Variants in GGTA1 observed in about 807,000 individuals in gnomAD.
GGTA1 encodes the protein inactive N-acetyllactosaminide alpha-1,3-galactosyltransferase.
GGTA1 carries 5 observed loss-of-function variants against 2.6 expected under a neutral mutation model. The observed-to-expected ratio is 1.92, with a 90% CI of 1.00 to 4.04. The LOEUF is 4.04. GGTA1 is among the 30% of genes most tolerant of loss of function. The probability of loss-of-function intolerance (pLI) is 0.00; values close to 1 mark genes in which losing one functional copy is unlikely to be tolerated. For synonymous variants in GGTA1, 17 were observed against 5.0 expected (o/e 3.38, Z -3.19); for missense variants, 50 against 16.7 (o/e 2.99, Z -3.47).
intron 1 of GGTA1, among the ~76,000 whole-genome samples, chr9:121,485,191 G>A (rs1207840465): frequency 6.6e-6 from 1 of 152,164 alleles, no homozygotes; most frequent in Non-Finnish European, 1.5e-5. Flanking sequence ...CAGCCAACGG[G>A]TCTGCCTGCC....
At chr9:121,484,894 C>A (rs1236650951) in intron 1 of GGTA1, among the ~76,000 whole-genome samples, 1 of 152,180 alleles carries the variant, frequency 6.6e-6, no homozygotes, top group African/African-American at 2.4e-5. Context: ...CTCTAATGAG[C>A]CTCCCCAGAA....
At chr9:121,447,425 G>C (rs1234525282) in exon 8 of GGTA1, 1 of 152,580 alleles carries the variant, frequency 6.6e-6, no homozygotes, top group Non-Finnish European at 1.5e-5. Context: ...CTGATGTCTT[G>C]CCACCTCTTC....
intron 1 of GGTA1, among the ~76,000 whole-genome samples, chr9:121,479,837 G>T (rs535012200): frequency 6.6e-6 from 1 of 152,108 alleles, no homozygotes; most frequent in South Asian, 2.1e-4. Flanking sequence ...TTCAGAAGTC[G>T]CTGTTTGGTT....
chr9:121,487,336 G>A (rs1419710636), intron 1 of GGTA1, among the ~76,000 whole-genome samples: 1 of 151,980 alleles, frequency 6.6e-6, no homozygotes, highest in Non-Finnish European at 1.5e-5. Flanking sequence ...CCAGCACTTT[G>A]GGAGGCCGAG....
chr9:121,488,125 ATG>A lies in GGTA1; in HGVS notation c.-10+11523_-10+11524del, dbSNP rs34747249. Among the ~76,000 whole-genome samples the A allele has an allele frequency of 1.3e-3, 195 of 150,940 alleles. 1 individual carries two copies. Among genetic ancestry groups the A allele is most frequent in the African/African-American group, 4.5e-3 (183 of 41,104 alleles). ...TGTGTGTGTGTGCGTGTGTGCGTGC[ATG>A]TGTGTGTGTGTGTGTTTAAAGTTTT... On this transcript the variant is annotated intron_variant, in intron 1 of 5. Coordinates refer to ENST00000481799, the MANE Select transcript of GGTA1 (RefSeq NM_001382585.1).
At chr9:121,463,669 G>A (rs1170364761) in intron 2 of GGTA1, among the ~76,000 whole-genome samples, 2 of 152,152 alleles carry the variant, frequency 1.3e-5, no homozygotes, top group South Asian at 2.1e-4. Context: ...GATTACAGGT[G>A]TGAGTCATCA....
At chr9:121,448,429 C>T (rs940115184) in intron 7 of GGTA1, among the ~76,000 whole-genome samples, 2 of 151,080 alleles carry the variant, frequency 1.3e-5, no homozygotes, top group African/African-American at 4.9e-5. Context: ...TATGAGCCTC[C>T]CACTAGTCAC....
rs542974360 is a variant in GGTA1, at chr9:121,461,348, T to C, written c.117-31A>G. The C allele has an allele frequency of 1.5e-5, 7 of 453,036 alleles. No homozygotes were observed. In the Admixed American group the frequency reaches 1.7e-4, roughly 11 times the overall value. The allele number at this position is 453,036 out of a possible 1,614,324, so 28.1% of individuals were successfully genotyped here. A position where few individuals can be genotyped will look rare whatever the true frequency, so the allele number is the denominator to read the frequency against. ...AAATGAAAAAGTTTACAAATATTTT[T>C]AGAAAATGTGGTGTCCCCAAACTTA... On this transcript the variant is annotated intron_variant, in intron 3 of 5. Coordinates refer to ENST00000481799, the MANE Select transcript of GGTA1 (RefSeq NM_001382585.1).
At chr9:121,489,744 T>C (rs1225125979) in intron 1 of GGTA1, among the ~76,000 whole-genome samples, 1 of 152,162 alleles carries the variant, frequency 6.6e-6, no homozygotes, top group Non-Finnish European at 1.5e-5. Flanking sequence ...GGAAGCTGCA[T>C]TCTTCGGGTG....
intron 2 of GGTA1, among the ~76,000 whole-genome samples, chr9:121,465,044 T>G (rs2064995220): frequency 6.6e-6 from 1 of 151,668 alleles, no homozygotes; most frequent in Non-Finnish European, 1.5e-5. Context: ...CCCCTTGAAG[T>G]TTTTTGCAGA....
chr9:121,494,263 G>A (rs1828941831), intron 1 of GGTA1, among the ~76,000 whole-genome samples: 1 of 152,200 alleles, frequency 6.6e-6, no homozygotes, highest in African/African-American at 2.4e-5. Flanking sequence ...AGAAGGCAAT[G>A]GGTCTCCACC....
Position 121,463,344 on chromosome 9 carries a change from A to G in GGTA1, c.81-16T>C. On this transcript the variant is annotated splice_polypyrimidine_tract_variant and intron_variant, in intron 2 of 5. Coordinates refer to ENST00000481799, the MANE Select transcript of GGTA1 (RefSeq NM_001382585.1). ...GCCTTCTGTGCTAAAAGCAAAAAAG[A>G]AATAAAAACATATCATGTTACTTTT... 2.2e-6 allele frequency: 1 copy of G among 453,842 alleles called. No homozygotes were observed. The highest frequency in any genetic ancestry group is 1.6e-5 in the South Asian group (1 of 63,932). The allele number at this position is 453,842 out of a possible 1,614,324, so 28.1% of individuals were successfully genotyped here.
intron 1 of GGTA1, among the ~76,000 whole-genome samples, chr9:121,488,125 A>ATG (rs34747249): frequency 0.28 from 41,716 of 150,742 alleles, 6,192 homozygotes; most frequent in Middle Eastern, 0.37. Context: ...GTGTGCGTGC[A>ATG]TGTGTGTGTG....
chr9:121,450,953 T>G (rs907324895), downstream of GGTA1, among the ~76,000 whole-genome samples: 1 of 152,168 alleles, frequency 6.6e-6, no homozygotes, highest in Non-Finnish European at 1.5e-5. Context: ...AGCTCTCTTT[T>G]AAGCCCCACC....
chr9:121,446,606 T>C (rs1346201401), exon 8 of GGTA1: 1 of 152,252 alleles, frequency 6.6e-6, no homozygotes, highest in Non-Finnish European at 1.5e-5. Flanking sequence ...CCAGATGTCA[T>C]CTGGCATGTG....
At position 121,455,159 on chromosome 9, in the gene GGTA1, A is replaced by C. The variant is rs1298709277; in HGVS notation, c.*678T>G. 1.3e-5 allele frequency: 2 copies of C among 152,030 alleles called. No homozygotes were observed. Among genetic ancestry groups the C allele is most frequent in the East Asian group, 1.9e-4 (1 of 5,200 alleles). The allele number at this position is 152,030 out of a possible 1,614,324, so 9.4% of individuals were successfully genotyped here. A position where few individuals can be genotyped will look rare whatever the true frequency, so the allele number is the denominator to read the frequency against. The stretch of plus-strand genomic sequence containing the variant: ...TACATGGTGCTTTTAGTTCTATAAA[A>C]CTCCCATCTTTGTTGAATGACGAGA... On this transcript the variant is annotated 3_prime_UTR_variant, in exon 6 of 6. Transcript: ENST00000481799.
intron 1 of GGTA1, among the ~76,000 whole-genome samples, chr9:121,484,875 A>C (rs1828726653): frequency 1.3e-5 from 2 of 152,224 alleles, no homozygotes; most frequent in Admixed American, 1.3e-4. Context: ...ACCAGAACCA[A>C]AATAAACCCT....
intron 1 of GGTA1, among the ~76,000 whole-genome samples, chr9:121,488,270 C>T (rs1294618861): frequency 2.0e-5 from 3 of 152,144 alleles, no homozygotes; most frequent in Admixed American, 6.6e-5. Flanking sequence ...CCGCCTTAGC[C>T]TGTTAGGATG....
At chr9:121,478,508 T>C (rs958719677) in intron 1 of GGTA1, among the ~76,000 whole-genome samples, 6 of 152,216 alleles carry the variant, frequency 3.9e-5, no homozygotes, top group Non-Finnish European at 8.8e-5. Context: ...GGGATGGTGC[T>C]GGGTGTAAGG....
Sources: allele counts gnomAD v4.1 joint callset (sites outside exome capture counted in the v4.1 genomes callset), GRCh38; gene constraint gnomAD v4.1.1; transcripts MANE v1.5; gene names NCBI Gene and HGNC (gene_info 2026-07-23, HGNC 2026-07-21).